Variants in THSD4 observed in about 807,000 individuals in gnomAD.
THSD4 encodes thrombospondin type-1 domain-containing protein 4.
Under a neutral mutation model 119.0 loss-of-function variants are expected in THSD4, and 69 were observed. That is an observed-to-expected ratio of 0.58 (90% confidence interval 0.48 to 0.71). THSD4 has a LOEUF of 0.71. Among genes scored for constraint, THSD4 ranks in the 30% least tolerant of loss-of-function variants. The pLI is 0.00. For missense variants in THSD4, 1,393 were observed against 1,391.1 expected, an observed-to-expected ratio of 1.00 and a Z score of -0.02; for synonymous variants, 524 against 540.4, an observed-to-expected ratio of 0.97 and a Z score of 0.42.
chr15:71,251,786 G>A (rs970132820), intron 5 of THSD4, among the ~76,000 whole-genome samples: 2 of 152,252 alleles, frequency 1.3e-5, no homozygotes, highest in South Asian at 4.1e-4. Context: ...TGGCTCTTGA[G>A]CAGTGAAGTT....
chr15:71,720,495 T>C (rs4641693), intron 8 of THSD4, among the ~76,000 whole-genome samples: 145,585 of 152,328 alleles, frequency 0.96, 69,928 homozygotes, highest in East Asian at 1. Context: ...TGATTTCCGT[T>C]GGTGATAGAG....
chr15:71,613,096 T>C (rs1261552404), intron 7 of THSD4, among the ~76,000 whole-genome samples: 1 of 152,184 alleles, frequency 6.6e-6, no homozygotes, highest in African/African-American at 2.4e-5. Context: ...TTAATGGCCC[T>C]AGTCAAGGGT....
chr15:71,630,123 C>T (rs2140943118), intron 7 of THSD4, among the ~76,000 whole-genome samples: 1 of 152,296 alleles, frequency 6.6e-6, no homozygotes, highest in Admixed American at 6.5e-5. Context: ...TATCTAACTA[C>T]ACTCTAAAGT....
chr15:71,473,003 TA>T (rs1193700847), intron 7 of THSD4, among the ~76,000 whole-genome samples: 1 of 151,374 alleles, frequency 6.6e-6, no homozygotes, highest in Non-Finnish European at 1.5e-5. Flanking sequence ...CAGGTGCTTT[TA>T]AAAAAAATTC....
At chr15:71,399,161 A>G (rs952223834) in intron 6 of THSD4, among the ~76,000 whole-genome samples, 8 of 152,064 alleles carry the variant, frequency 5.3e-5, no homozygotes, top group African/African-American at 1.7e-4. Flanking sequence ...TGACATTTCA[A>G]TCACGTGGAC....
chr15:71,256,228 A>G (rs1434487825), intron 5 of THSD4, among the ~76,000 whole-genome samples: 1 of 152,176 alleles, frequency 6.6e-6, no homozygotes, highest in Non-Finnish European at 1.5e-5. Context: ...TAATCCCAGC[A>G]CTTTGGGAGG....
At chr15:71,354,632 G>A (rs1157682529) in intron 6 of THSD4, among the ~76,000 whole-genome samples, 1 of 152,138 alleles carries the variant, frequency 6.6e-6, no homozygotes, top group Non-Finnish European at 1.5e-5. Context: ...AACACTTTGG[G>A]CTCTAACATT....
intron 7 of THSD4, among the ~76,000 whole-genome samples, chr15:71,519,741 T>A (rs1456829417): frequency 6.6e-6 from 1 of 152,086 alleles, no homozygotes; most frequent in Admixed American, 6.6e-5. Context: ...GTGGGAAAAA[T>A]GGTTAGAAGA....
At chr15:71,262,164 C>G (rs2044408160) in intron 6 of THSD4, among the ~76,000 whole-genome samples, 1 of 152,184 alleles carries the variant, frequency 6.6e-6, no homozygotes, top group Admixed American at 6.5e-5. Context: ...GGAGTATACT[C>G]TCTGATAAAC....
intron 7 of THSD4, among the ~76,000 whole-genome samples, chr15:71,655,992 G>T (rs2051183193): frequency 6.6e-6 from 1 of 152,188 alleles, no homozygotes; most frequent in South Asian, 2.1e-4. Flanking sequence ...TGCACCCCAG[G>T]TTTTCTGGTT....
intron 3 of THSD4, among the ~76,000 whole-genome samples, chr15:71,212,923 C>T (rs977938229): frequency 6.6e-6 from 1 of 152,214 alleles, no homozygotes; most frequent in African/African-American, 2.4e-5. Context: ...ACACATGTGC[C>T]ATCTGGGCAG....
At chr15:71,575,803 T>C (rs923182665) in intron 7 of THSD4, among the ~76,000 whole-genome samples, 2 of 151,928 alleles carry the variant, frequency 1.3e-5, no homozygotes, top group Admixed American at 6.6e-5. Flanking sequence ...TTATATGGTG[T>C]TGAGTGTACA....
chr15:71,581,776 T>C (rs2049563902), intron 7 of THSD4, among the ~76,000 whole-genome samples: 1 of 152,172 alleles, frequency 6.6e-6, no homozygotes, highest in African/African-American at 2.4e-5. Context: ...GACTATTCTT[T>C]CTCCATTGTG....
intron 7 of THSD4, among the ~76,000 whole-genome samples, chr15:71,652,991 T>C (rs2051121903): frequency 6.6e-6 from 1 of 152,230 alleles, no homozygotes; most frequent in African/African-American, 2.4e-5. Flanking sequence ...ATCAGGGCTG[T>C]ATCTCTTTTT....
At chr15:71,711,348 C>A (rs1011900550) in intron 8 of THSD4, among the ~76,000 whole-genome samples, 1 of 151,962 alleles carries the variant, frequency 6.6e-6, no homozygotes, top group Non-Finnish European at 1.5e-5. Context: ...AAAATTTCTA[C>A]ATTTTGTTTG....
At chr15:71,153,114 C>G (rs768517331) in intron 2 of THSD4, among the ~76,000 whole-genome samples, 7 of 152,200 alleles carry the variant, frequency 4.6e-5, no homozygotes, top group Non-Finnish European at 7.3e-5. Flanking sequence ...AGAGGAGAAT[C>G]AGGCACCAAT....
chr15:71,459,398 C>CTCTCTCTG, intron 7 of THSD4, among the ~76,000 whole-genome samples: 1 of 144,210 alleles, frequency 6.9e-6, no homozygotes, highest in East Asian at 2.0e-4. Context: ...CTCTCTCTCT[C>CTCTCTCTG]TCTCTCTGTC....
intron 16 of THSD4, 70 bp from the exon 17 acceptor site, chr15:71,770,994 C>G: frequency 6.4e-7 from 1 of 1,557,042 alleles, no homozygotes; most frequent in Non-Finnish European, 8.6e-7. Flanking sequence ...TTTCCAGTGT[C>G]TTCTTTCTCC....
At chr15:71,415,995 T>A (rs2046755260) in intron 7 of THSD4, among the ~76,000 whole-genome samples, 1 of 152,002 alleles carries the variant, frequency 6.6e-6, no homozygotes, top group Non-Finnish European at 1.5e-5. Flanking sequence ...CAGGGTTTCG[T>A]TGTGTTGGCC....
Sources: allele counts gnomAD v4.1 joint callset (sites outside exome capture counted in the v4.1 genomes callset), GRCh38; gene constraint gnomAD v4.1.1; transcripts MANE v1.5; gene names NCBI Gene and HGNC (gene_info 2026-07-23, HGNC 2026-07-21).